Variants in CNBD1 observed in about 807,000 individuals in gnomAD.
CNBD1 encodes cyclic nucleotide binding domain containing 1, also known as cyclic nucleotide-binding domain-containing protein 1.
Under a neutral mutation model 54.4 loss-of-function variants are expected in CNBD1, and 71 were observed. That is an observed-to-expected ratio of 1.30 (90% confidence interval 1.08 to 1.59). The LOEUF is 1.59. CNBD1 is among the 40% of genes most tolerant of loss of function. The pLI is 0.00. For missense variants in CNBD1, 659 were observed against 518.0 expected (o/e 1.27, Z -2.64); for synonymous variants, 182 against 170.7 (o/e 1.07, Z -0.51).
intron 4 of CNBD1, among the ~76,000 whole-genome samples, chr8:86,977,300 A>G (rs1031089726): frequency 4.0e-5 from 6 of 151,778 alleles, no homozygotes; most frequent in South Asian, 2.1e-4. Context: ...GTGTCATCCA[A>G]TCTTTCTTCT....
chr8:87,064,034 A>T (rs1357719250), intron 4 of CNBD1, among the ~76,000 whole-genome samples: 1 of 152,012 alleles, frequency 6.6e-6, no homozygotes, highest in East Asian at 1.9e-4. Context: ...CAATCATATT[A>T]TCTGTGAAAT....
At chr8:87,272,562 T>C (rs1382723499) in intron 6 of CNBD1, among the ~76,000 whole-genome samples, 1 of 151,954 alleles carries the variant, frequency 6.6e-6, no homozygotes, top group South Asian at 2.1e-4. Context: ...ACAGGAGCAA[T>C]GTTTCTAGTT....
intron 4 of CNBD1, among the ~76,000 whole-genome samples, chr8:87,131,835 C>A (rs1027381519): frequency 6.6e-6 from 1 of 151,906 alleles, no homozygotes; most frequent in Non-Finnish European, 1.5e-5. Context: ...TCTATAAGAC[C>A]TGAGATTTCA....
At chr8:87,228,973 G>A (rs376207033) in intron 5 of CNBD1, among the ~76,000 whole-genome samples, 9 of 152,298 alleles carry the variant, frequency 5.9e-5, no homozygotes, top group South Asian at 2.1e-4. Context: ...TCGGAAAAGC[G>A]CGGTATTCGG....
intron 4 of CNBD1, among the ~76,000 whole-genome samples, chr8:87,203,732 A>C (rs1320039867): frequency 6.6e-6 from 1 of 152,222 alleles, no homozygotes; most frequent in Non-Finnish European, 1.5e-5. Context: ...CTCCCCATCA[A>C]GAATGAATAT....
At chr8:87,212,199 A>C (rs1339581797) in intron 5 of CNBD1, among the ~76,000 whole-genome samples, 1 of 152,174 alleles carries the variant, frequency 6.6e-6, no homozygotes, top group Non-Finnish European at 1.5e-5. Context: ...GAAAACTATA[A>C]AACATTGTTG....
At chr8:87,038,329 A>C (rs576052968) in intron 4 of CNBD1, among the ~76,000 whole-genome samples, 2 of 152,304 alleles carry the variant, frequency 1.3e-5, no homozygotes. Context: ...TTGACGCGAG[A>C]CTGGCTACAC....
chr8:87,031,689 C>T (rs1457740378), intron 4 of CNBD1, among the ~76,000 whole-genome samples: 2 of 152,124 alleles, frequency 1.3e-5, no homozygotes, highest in Non-Finnish European at 2.9e-5. Flanking sequence ...AAATCTCATT[C>T]CTCCATTAGT....
chr8:86,925,588 G>A (rs549263756), intron 3 of CNBD1, among the ~76,000 whole-genome samples: 1 of 150,980 alleles, frequency 6.6e-6, no homozygotes, highest in South Asian at 2.1e-4. Flanking sequence ...TTTGGGAACT[G>A]ATAAAGGAAA....
At chr8:87,324,247 T>G (rs966454710) in intron 8 of CNBD1, among the ~76,000 whole-genome samples, 6 of 126,870 alleles carry the variant, frequency 4.7e-5, no homozygotes, top group African/African-American at 1.8e-4. Flanking sequence ...TCATCAAGGA[T>G]ATTGATCTAA....
intron 8 of CNBD1, among the ~76,000 whole-genome samples, chr8:87,339,368 C>T (rs1269981625): frequency 6.6e-6 from 1 of 152,142 alleles, no homozygotes; most frequent in Non-Finnish European, 1.5e-5. Flanking sequence ...TTCAGGTTTC[C>T]CTACGCTCGC....
At chr8:86,975,542 G>C (rs1420578411) in intron 4 of CNBD1, among the ~76,000 whole-genome samples, 1 of 151,938 alleles carries the variant, frequency 6.6e-6, no homozygotes, top group African/African-American at 2.4e-5. Context: ...CACCTATGTT[G>C]TTATAAATGA....
chr8:87,053,762 A>C (rs937663407), intron 4 of CNBD1, among the ~76,000 whole-genome samples: 4 of 152,170 alleles, frequency 2.6e-5, no homozygotes, highest in Non-Finnish European at 5.9e-5. Context: ...GGATCCTGGG[A>C]AAAAACTGTA....
intron 8 of CNBD1, among the ~76,000 whole-genome samples, chr8:87,310,278 C>T (rs1809237570): frequency 6.6e-6 from 1 of 152,056 alleles, no homozygotes. Context: ...TCACTTGACC[C>T]CAGGAGGTAG....
chr8:87,091,407 A>G (rs1008251855), intron 4 of CNBD1, among the ~76,000 whole-genome samples: 5 of 152,184 alleles, frequency 3.3e-5, no homozygotes, highest in Non-Finnish European at 4.4e-5. Context: ...TATACTCAGT[A>G]TGGTGAGAAT....
At chr8:86,878,774 A>G (rs1187893178) in intron 1 of CNBD1, among the ~76,000 whole-genome samples, 1 of 152,148 alleles carries the variant, frequency 6.6e-6, no homozygotes, top group African/African-American at 2.4e-5. Flanking sequence ...AAACAAGACC[A>G]GTATGCATTT....
intron 10 of CNBD1, among the ~76,000 whole-genome samples, chr8:87,374,709 A>G (rs1413237230): frequency 1.3e-5 from 2 of 151,838 alleles, no homozygotes; most frequent in African/African-American, 2.4e-5. Flanking sequence ...TGATTTTTCC[A>G]TGATCTCACT....
At chr8:87,384,030 A>C (rs765131777), downstream of CNBD1, among the ~76,000 whole-genome samples, 1 of 151,770 alleles carries the variant, frequency 6.6e-6, no homozygotes, top group Non-Finnish European at 1.5e-5. Flanking sequence ...GATTTTAAAA[A>C]GGCTCATTCA....
chr8:87,259,724 G>C (rs1808096882), intron 6 of CNBD1, among the ~76,000 whole-genome samples: 1 of 152,114 alleles, frequency 6.6e-6, no homozygotes, highest in Non-Finnish European at 1.5e-5. Flanking sequence ...ATTGGCTTTG[G>C]GGTGGGGTCC....
Sources: gnomAD v4.1 joint callset for allele counts (sites outside exome capture counted in the v4.1 genomes callset) on GRCh38, gnomAD v4.1.1 for gene constraint, MANE v1.5 for transcripts, NCBI Gene and HGNC (gene_info 2026-07-23, HGNC 2026-07-21) for gene names.